The following SLC22A23 variants were observed in gnomAD, a reference collection of about 807,000 sequenced individuals.
SLC22A23 encodes solute carrier family 22 member 23, also known as ion transporter protein.
Under a neutral mutation model 61.0 loss-of-function variants are expected in SLC22A23, and 26 were observed. The ratio of observed to expected loss-of-function variants is 0.43; its 90% CI spans 0.31 to 0.59. The LOEUF (loss-of-function observed/expected upper bound fraction) is 0.59. Among genes scored for constraint, SLC22A23 ranks in the 20% least tolerant of loss-of-function variants. SLC22A23 has a pLI of 0.11. For missense variants in SLC22A23, 796 were observed against 934.7 expected, an observed-to-expected ratio of 0.85 and a Z score of 1.94; for synonymous variants, 430 against 413.9, an observed-to-expected ratio of 1.04 and a Z score of -0.47.
intron 5 of SLC22A23, among the ~76,000 whole-genome samples, chr6:3,295,230 G>A (rs111525060): frequency 0.015 from 2,228 of 152,340 alleles, 55 homozygotes; most frequent in African/African-American, 0.051. Context: ...GAGGGGAAGC[G>A]GGGAGAAGTG....
At chr6:3,384,288 C>T (rs1326114533) in intron 3 of SLC22A23, among the ~76,000 whole-genome samples, 2 of 152,210 alleles carry the variant, frequency 1.3e-5, no homozygotes, top group Non-Finnish European at 2.9e-5. Flanking sequence ...CATACGTCTG[C>T]TTTATAAAAA....
chr6:3,368,717 G>T (rs927600469), intron 3 of SLC22A23, among the ~76,000 whole-genome samples: 4 of 152,166 alleles, frequency 2.6e-5, no homozygotes, highest in African/African-American at 9.7e-5. Flanking sequence ...AGCTGTGAAA[G>T]GGATGGGGGT....
At position 3,295,238 on chromosome 6, in the gene SLC22A23, G is replaced by A. The variant is rs191768152; in HGVS notation, c.1210+2853C>T. The stretch of plus-strand genomic sequence containing the variant: ...CTGGGATGAGGGGAAGCGGGGAGAA[G>A]TGCTGAAGTTGTAACAGTGAATAAC... On this transcript the variant is annotated intron_variant, in intron 5 of 9. Coordinates refer to ENST00000406686, the MANE Select transcript of SLC22A23 (RefSeq NM_015482.2). Among the ~76,000 whole-genome samples the A allele has an allele frequency of 3.2e-3, 480 of 152,340 alleles. 1 individual carries two copies. The highest frequency in any genetic ancestry group is 5.1e-3 in the Non-Finnish European group (350 of 68,034).
At position 3,448,789 on chromosome 6, in the gene SLC22A23, C is replaced by T. The variant is rs559489581; in HGVS notation, c.654+7117G>A. Reference sequence around the variant, plus strand: ...GATTACAGGCGTGAGCAACCGCGCCCAGCCCCCACCATGTTTTTAAATGAC... The same window carrying T: ...GATTACAGGCGTGAGCAACCGCGCCTAGCCCCCACCATGTTTTTAAATGAC... On this transcript the variant is annotated intron_variant, in intron 1 of 9. Transcript: ENST00000406686. Among the ~76,000 whole-genome samples, 177 of 152,280 alleles carry T rather than the reference C, an allele frequency of 1.2e-3. 2 individuals are homozygous for T. The highest frequency in any genetic ancestry group is 4.0e-3 in the African/African-American group (165 of 41,562).
At chr6:3,439,612 T>TA (rs566715510) in intron 1 of SLC22A23, among the ~76,000 whole-genome samples, 18 of 152,228 alleles carry the variant, frequency 1.2e-4, no homozygotes, top group South Asian at 4.1e-4. Flanking sequence ...TGAGCCAACT[T>TA]ACGAATCTGT....
intron 1 of SLC22A23, among the ~76,000 whole-genome samples, chr6:3,416,420 G>A (rs1053741893): frequency 6.6e-6 from 1 of 152,252 alleles, no homozygotes; most frequent in Non-Finnish European, 1.5e-5. Flanking sequence ...TTTGCCCTTG[G>A]AAGTGTCCCT....
At chr6:3,348,762 TC>T (rs780361534) in intron 3 of SLC22A23, among the ~76,000 whole-genome samples, 11 of 152,168 alleles carry the variant, frequency 7.2e-5, no homozygotes, top group East Asian at 3.9e-4. Context: ...CTTCAAACCT[TC>T]CAGCTGCAGA....
At chr6:3,298,276 G>A (rs1267572044) in intron 4 of SLC22A23, 58 bp from the exon 5 acceptor site, 2 of 1,547,638 alleles carry the variant, frequency 1.3e-6, no homozygotes, top group East Asian at 2.5e-5. Context: ...GCACCGGGAA[G>A]TGTGGCTTAG....
chr6:3,341,496 G>C (rs183132057), intron 3 of SLC22A23, among the ~76,000 whole-genome samples: 17 of 152,188 alleles, frequency 1.1e-4, no homozygotes, highest in Admixed American at 3.3e-4. Flanking sequence ...CTTGGGTCCA[G>C]AACATGAAAA....
intron 6 of SLC22A23, among the ~76,000 whole-genome samples, chr6:3,288,366 C>T (rs1760250220): frequency 6.6e-6 from 1 of 152,242 alleles, no homozygotes; most frequent in Non-Finnish European, 1.5e-5. Context: ...AGACCCCGTC[C>T]CTGCCCCATA....
chr6:3,440,272 A>C (rs937846461), intron 1 of SLC22A23, among the ~76,000 whole-genome samples: 5 of 152,170 alleles, frequency 3.3e-5, no homozygotes, highest in Admixed American at 6.5e-5. Flanking sequence ...CTGTCCCCTC[A>C]AAGCTCCAGC....
At position 3,358,965 on chromosome 6, in the gene SLC22A23, T is replaced by C. The variant is rs186301964; in HGVS notation, c.914-34963A>G. On this transcript the variant is annotated intron_variant, in intron 3 of 9. Transcript: ENST00000406686. ...GTCTGCACCCCGAGCTGCCACCCAT[T>C]GCATTTCCATGTCAGCGCCATGTCA... is the stretch of plus-strand genomic sequence containing the variant. Among the ~76,000 whole-genome samples, 1,359 of 152,272 alleles carry C rather than the reference T, an allele frequency of 8.9e-3. 31 individuals are homozygous for C. The highest frequency in any genetic ancestry group is 0.032 in the African/African-American group (1,314 of 41,534).
At chr6:3,343,059 C>T (rs1764237180) in intron 3 of SLC22A23, among the ~76,000 whole-genome samples, 1 of 152,162 alleles carries the variant, frequency 6.6e-6, no homozygotes, top group Non-Finnish European at 1.5e-5. Context: ...CTCATCTTCA[C>T]CTCTGCTGGG....
intron 5 of SLC22A23, chr6:3,290,170 C>G: frequency 4.5e-6 from 2 of 444,570 alleles, no homozygotes; most frequent in South Asian, 2.1e-5. Context: ...CACAAACGGT[C>G]TCGACTCAGT....
rs1414040409 is a variant in SLC22A23, at chr6:3,269,635, A to C, written c.*3420T>G. 1.4e-5 allele frequency: 2 copies of C among 144,860 alleles called. No homozygotes were observed. Among genetic ancestry groups the C allele is most frequent in the African/African-American group, 2.6e-5 (1 of 38,268 alleles). 9.0% of individuals were successfully genotyped at this position (144,860 alleles called of 1,614,324 possible). A position where few individuals can be genotyped will look rare whatever the true frequency, so the allele number is the denominator to read the frequency against. On this transcript the variant is annotated 3_prime_UTR_variant, in exon 10 of 10. Coordinates refer to ENST00000406686, the MANE Select transcript of SLC22A23 (RefSeq NM_015482.2). ...TTCCCACCCACACGTACAGAAACAC[A>C]GTTTTTATATTACAACCTCAAGGAC...
At position 3,285,199 on chromosome 6, in the gene SLC22A23, C is replaced by T. The variant is rs115232464; in HGVS notation, c.1547-88G>A. On this transcript the variant is annotated intron_variant, in intron 7 of 9. Transcript: ENST00000406686. Reference sequence around the variant, plus strand: ...AGAGCACATTAGGTGTGGAGTTAGCCTAGCGTGTTCCCATGCGACTTGGTT... The same window carrying T: ...AGAGCACATTAGGTGTGGAGTTAGCTTAGCGTGTTCCCATGCGACTTGGTT... 7.0e-4 allele frequency: 1,100 copies of T among 1,560,336 alleles called. 7 individuals carry two copies. In the African/African-American group the frequency reaches 0.013, roughly 18 times the overall value.
intron 3 of SLC22A23, among the ~76,000 whole-genome samples, chr6:3,365,522 C>T (rs1765750326): frequency 6.6e-6 from 1 of 152,042 alleles, no homozygotes; most frequent in Non-Finnish European, 1.5e-5. Context: ...GTGAGTGCTA[C>T]CATTTAGGTG....
intron 3 of SLC22A23, among the ~76,000 whole-genome samples, chr6:3,385,290 A>T (rs1397691405): frequency 6.6e-6 from 1 of 152,170 alleles, no homozygotes; most frequent in East Asian, 1.9e-4. Flanking sequence ...AGGTGGGTGG[A>T]TCACTTGAGG....
At chr6:3,343,692 T>C (rs749974861) in intron 3 of SLC22A23, among the ~76,000 whole-genome samples, 39 of 152,232 alleles carry the variant, frequency 2.6e-4, no homozygotes, top group Non-Finnish European at 5.4e-4. Flanking sequence ...GCTCTTGAAT[T>C]GCCCATCTAT....
Sources: allele counts gnomAD v4.1 joint callset (sites outside exome capture counted in the v4.1 genomes callset), GRCh38; gene constraint gnomAD v4.1.1; transcripts MANE v1.5; gene names NCBI Gene and HGNC (gene_info 2026-07-23, HGNC 2026-07-21).